Variants in ACER3 observed in about 807,000 individuals in gnomAD.
The protein encoded by ACER3 is alkaline ceramidase 3, also known as alkCDase 3.
ACER3 carries 16 observed loss-of-function variants against 48.9 expected under a neutral mutation model. The ratio of observed to expected loss-of-function variants is 0.33; its 90% CI spans 0.22 to 0.50. ACER3 has a LOEUF of 0.50. Ranked by LOEUF, ACER3 falls within the 20% of genes least tolerant of loss-of-function variation. The pLI is 0.98. For synonymous variants in ACER3, 109 were observed against 107.8 expected, an observed-to-expected ratio of 1.01 and a Z score of -0.07; for missense variants, 227 against 326.0, an observed-to-expected ratio of 0.70 and a Z score of 2.34.
intron 1 of ACER3, among the ~76,000 whole-genome samples, chr11:76,893,303 A>G (rs1945852680): frequency 6.6e-6 from 1 of 151,992 alleles, no homozygotes; most frequent in Non-Finnish European, 1.5e-5. Context: ...CCAGGAGTTC[A>G]AGGCTGCAGG....
intron 7 of ACER3, among the ~76,000 whole-genome samples, chr11:77,003,466 C>T (rs1949075346): frequency 6.6e-6 from 1 of 152,052 alleles, no homozygotes; most frequent in Non-Finnish European, 1.5e-5. Context: ...TTTTGGTCAG[C>T]CTTGTTAGAA....
At chr11:76,896,587 G>A (rs1945936957) in intron 1 of ACER3, among the ~76,000 whole-genome samples, 1 of 152,076 alleles carries the variant, frequency 6.6e-6, no homozygotes, top group Admixed American at 6.6e-5. Flanking sequence ...GTATATTATG[G>A]GAACTTTGCT....
At position 76,880,092 on chromosome 11, in the gene ACER3, T is replaced by C. The variant is rs147885710; in HGVS notation, c.103+19013T>C. 7.5e-3 allele frequency among the ~76,000 whole-genome samples: 1,143 copies of C among 152,330 alleles called. 6 individuals are homozygous for C. Among genetic ancestry groups the C allele is most frequent in the Non-Finnish European group, 0.01 (701 of 68,014 alleles). On this transcript the variant is annotated intron_variant, in intron 1 of 10. Coordinates refer to ENST00000532485, the MANE Select transcript of ACER3 (RefSeq NM_018367.7). ...TTCTCTCTTTTTTGATGATTAATCA[T>C]CCTAATGGTTTATTCGATTTTATTA...
chr11:76,901,721 C>G (rs1046459004), intron 1 of ACER3, among the ~76,000 whole-genome samples: 3 of 152,108 alleles, frequency 2.0e-5, no homozygotes, highest in Non-Finnish European at 4.4e-5. Context: ...TGACTGGGGA[C>G]TGCATGCACC....
intron 1 of ACER3, among the ~76,000 whole-genome samples, chr11:76,912,248 G>A (rs1255787029): frequency 2.0e-5 from 3 of 152,148 alleles, no homozygotes; most frequent in African/African-American, 7.2e-5. Flanking sequence ...GCCAAAGATT[G>A]CTAGCAACCA....
At chr11:76,896,032 A>G (rs927103100) in intron 1 of ACER3, among the ~76,000 whole-genome samples, 2 of 152,158 alleles carry the variant, frequency 1.3e-5, no homozygotes, top group African/African-American at 2.4e-5. Flanking sequence ...ATAATCACCA[A>G]CTAAGACCTG....
chr11:76,875,107 C>CTTTTTTTTTTTTTTTTTTTTTT lies in ACER3; in HGVS notation c.103+14033_103+14054dup, dbSNP rs10676364. On this transcript the variant is annotated intron_variant, in intron 1 of 10. Transcript: ENST00000532485. ...TTCTAACATGGCATGAAAAGCACTT[C>CTTTTTTTTTTTTTTTTTTTTTT]TTTTTTTTTTTTTTTTTTTTTTTTT... Among the ~76,000 whole-genome samples the CTTTTTTTTTTTTTTTTTTTTTT allele has an allele frequency of 2.6e-4, 20 of 78,164 alleles. 4 individuals carry two copies. The highest frequency in any genetic ancestry group is 5.7e-4 in the African/African-American group (16 of 27,878). The allele number at this position is 78,164 out of a possible 152,430, so 51.3% of individuals were successfully genotyped here.
intron 1 of ACER3, among the ~76,000 whole-genome samples, chr11:76,861,458 G>C (rs1337754993): frequency 2.0e-5 from 3 of 152,072 alleles, no homozygotes; most frequent in African/African-American, 7.2e-5. Flanking sequence ...CTTGGAATGA[G>C]GGCCCAGGAC....
chr11:76,976,809 A>G (rs1347556715), intron 4 of ACER3, among the ~76,000 whole-genome samples: 1 of 152,222 alleles, frequency 6.6e-6, no homozygotes, highest in Non-Finnish European at 1.5e-5. Flanking sequence ...ATTCTAAGGT[A>G]GACTAAATGC....
At chr11:76,871,763 G>A (rs879303629) in intron 1 of ACER3, among the ~76,000 whole-genome samples, 12 of 152,172 alleles carry the variant, frequency 7.9e-5, no homozygotes, top group Middle Eastern at 3.2e-3. Flanking sequence ...ATTCTCTATA[G>A]AATGTAAATT....
intron 7 of ACER3, among the ~76,000 whole-genome samples, chr11:77,010,304 C>T (rs557669282): frequency 6.6e-6 from 1 of 151,662 alleles, no homozygotes; most frequent in African/African-American, 2.4e-5. Flanking sequence ...GCTATGATCG[C>T]ACCACTGCAC....
chr11:76,933,027 G>A (rs986028078), intron 2 of ACER3, among the ~76,000 whole-genome samples: 1 of 152,024 alleles, frequency 6.6e-6, no homozygotes, highest in Non-Finnish European at 1.5e-5. Flanking sequence ...AAAGAGATAA[G>A]TAGAAAGGGG....
At chr11:77,012,439 A>AAAG in intron 7 of ACER3, among the ~76,000 whole-genome samples, 1 of 151,154 alleles carries the variant, frequency 6.6e-6, no homozygotes, top group African/African-American at 2.4e-5. Context: ...AAAAAAAAAA[A>AAAG]AAGCTGTTAG....
chr11:76,885,621 C>A (rs1418571992), intron 1 of ACER3, among the ~76,000 whole-genome samples: 2 of 152,068 alleles, frequency 1.3e-5, no homozygotes, highest in Non-Finnish European at 2.9e-5. Context: ...CATTATGAGT[C>A]AGCTTAGGCT....
At chr11:76,931,003 C>T (rs1343759956) in intron 2 of ACER3, among the ~76,000 whole-genome samples, 2 of 146,610 alleles carry the variant, frequency 1.4e-5, no homozygotes, top group Non-Finnish European at 3.0e-5. Flanking sequence ...GAGCTGAGTT[C>T]AATTCCTGGA....
At chr11:76,927,508 G>A (rs867794173) in intron 2 of ACER3, among the ~76,000 whole-genome samples, 24 of 151,896 alleles carry the variant, frequency 1.6e-4, no homozygotes, top group Middle Eastern at 3.4e-3. Context: ...CGTGCACAAC[G>A]TGCAGGTTTG....
intron 1 of ACER3, among the ~76,000 whole-genome samples, chr11:76,872,905 C>CTTTTTTTTTTTTTTTTTTTTTTTTT (rs756362938): frequency 2.2e-4 from 21 of 94,572 alleles, no homozygotes; most frequent in African/African-American, 6.3e-4. Context: ...TTTCTTTTTT[C>CTTTTTTTTTTTTTTTTTTTTTTTTT]TTTTTCTTTT....
intron 1 of ACER3, among the ~76,000 whole-genome samples, chr11:76,882,067 C>T (rs1252058884): frequency 3.4e-5 from 5 of 146,144 alleles, no homozygotes; most frequent in African/African-American, 5.1e-5. Flanking sequence ...TGCAGTGGCG[C>T]GATCTTGGCT....
chr11:76,988,318 A>G (rs1948727475), intron 5 of ACER3, among the ~76,000 whole-genome samples: 1 of 152,214 alleles, frequency 6.6e-6, no homozygotes, highest in Non-Finnish European at 1.5e-5. Context: ...TGCCTAAACT[A>G]CTGTATTAGT....
Sources: gnomAD v4.1 joint callset for allele counts (sites outside exome capture counted in the v4.1 genomes callset) on GRCh38, gnomAD v4.1.1 for gene constraint, MANE v1.5 for transcripts, NCBI Gene and HGNC (gene_info 2026-07-23, HGNC 2026-07-21) for gene names.